The following FRMD4A variants were observed in gnomAD, a reference collection of about 807,000 sequenced individuals.
The protein encoded by FRMD4A is FERM domain-containing protein 4A.
A neutral mutation model predicts 129.1 loss-of-function variants in FRMD4A; 29 were observed. The ratio of observed to expected loss-of-function variants is 0.22; its 90% CI spans 0.17 to 0.31. The LOEUF (loss-of-function observed/expected upper bound fraction) is 0.31, where lower values mean the gene tolerates loss of function less well. FRMD4A is among the 10% of genes least tolerant of loss of function. FRMD4A has a pLI of 1.00. For missense variants in FRMD4A, 1,272 were observed against 1,375.8 expected (o/e 0.92, Z 1.19); for synonymous variants, 634 against 571.6 (o/e 1.11, Z -1.56).
Position 14,064,870 on chromosome 10 carries a change from G to A in FRMD4A, c.46-205958C>T, listed in dbSNP as rs547902033. Among the ~76,000 whole-genome samples the A allele has an allele frequency of 5.3e-5, 8 of 151,996 alleles. No homozygotes were observed. The East Asian group carries it at 5.8e-4, about 11-fold the overall frequency. On this transcript the variant is annotated intron_variant, in intron 2 of 24. Coordinates refer to ENST00000357447, the MANE Select transcript of FRMD4A (RefSeq NM_018027.5). ...TGGGAGTAAAGGTGTGAGCCACCGC[G>A]CCCAGCCCTCTCTGCTTATTTTTAA...
rs1011204235 is a variant in FRMD4A at position 13,812,376 on chromosome 10, G to T, written c.112-1468C>A. The stretch of plus-strand genomic sequence containing the variant: ...TCCTTATAAGAAGAGACACCAGAGA[G>T]CCTGCTTCCTCTCTCTGCCATGTGG... On this transcript the variant is annotated intron_variant, in intron 3 of 24. Coordinates refer to ENST00000357447, the MANE Select transcript of FRMD4A (RefSeq NM_018027.5). Among the ~76,000 whole-genome samples, 7 of 152,326 alleles carry T rather than the reference G, an allele frequency of 4.6e-5. No individual in the cohort carries two copies. In the East Asian group the frequency reaches 1.4e-3, roughly 29 times the overall value.
intron 15 of FRMD4A, chr10:13,693,540 G>C (rs1167387219): frequency 1.1e-5 from 13 of 1,195,814 alleles, no homozygotes; most frequent in Non-Finnish European, 1.4e-5. Flanking sequence ...ACACACAAGT[G>C]GGCACATGAG....
chr10:13,960,276 T>C (rs376983138), intron 2 of FRMD4A, among the ~76,000 whole-genome samples: 1 of 152,264 alleles, frequency 6.6e-6, no homozygotes, highest in Non-Finnish European at 1.5e-5. Context: ...ACCACAGTTA[T>C]GATAATAGTA....
intron 2 of FRMD4A, among the ~76,000 whole-genome samples, chr10:14,184,961 T>C (rs1349291888): frequency 1.3e-5 from 2 of 150,006 alleles, no homozygotes; most frequent in Non-Finnish European, 3.0e-5. Context: ...TGTCTGAATT[T>C]GTTTAGACAG....
intron 2 of FRMD4A, among the ~76,000 whole-genome samples, chr10:14,012,744 G>A (rs1434853008): frequency 6.6e-6 from 1 of 152,152 alleles, no homozygotes; most frequent in Non-Finnish European, 1.5e-5. Flanking sequence ...TGCAGCCCAG[G>A]GTGATCCTGA....
chr10:13,737,735 G>A, intron 12 of FRMD4A, 109 bp downstream of exon 12: 1 of 645,908 alleles, frequency 1.5e-6, no homozygotes, highest in Non-Finnish European at 2.8e-6. Context: ...ATTAGCAGGA[G>A]ATTGGTGAGC....
At chr10:13,681,822 G>C (rs1173752292) in intron 15 of FRMD4A, among the ~76,000 whole-genome samples, 2 of 152,148 alleles carry the variant, frequency 1.3e-5, no homozygotes, top group Non-Finnish European at 2.9e-5. Context: ...AATGAAAACA[G>C]GACTTCTTCA....
At chr10:13,649,365 C>G (rs1443104646) in intron 24 of FRMD4A, 2 of 126,990 alleles carry the variant, frequency 1.6e-5, no homozygotes, top group Non-Finnish European at 3.8e-5. Flanking sequence ...TTGGCTGGCC[C>G]ATGGTGTTCT....
At chr10:14,179,642 T>C (rs190168919) in intron 2 of FRMD4A, among the ~76,000 whole-genome samples, 25 of 152,360 alleles carry the variant, frequency 1.6e-4, no homozygotes, top group African/African-American at 5.8e-4. Context: ...TATTCATGTC[T>C]AGGTAAGAGA....
At chr10:13,846,147 T>C (rs573943699) in intron 3 of FRMD4A, among the ~76,000 whole-genome samples, 1 of 152,372 alleles carries the variant, frequency 6.6e-6, no homozygotes, top group South Asian at 2.1e-4. Flanking sequence ...AGCGTTCAAT[T>C]AGCTAATATG....
chr10:14,281,845 G>A (rs1166031680), intron 2 of FRMD4A, among the ~76,000 whole-genome samples: 1 of 152,188 alleles, frequency 6.6e-6, no homozygotes, highest in Admixed American at 6.5e-5. Context: ...AAACAGGGAT[G>A]TGTAGTAACA....
At chr10:14,039,962 T>A (rs2131673436) in intron 2 of FRMD4A, among the ~76,000 whole-genome samples, 1 of 152,366 alleles carries the variant, frequency 6.6e-6, no homozygotes, top group African/African-American at 2.4e-5. Flanking sequence ...TGTATGTATC[T>A]ATCCATTTAT....
chr10:14,031,947 T>A (rs1478383897), intron 2 of FRMD4A, among the ~76,000 whole-genome samples: 1 of 151,802 alleles, frequency 6.6e-6, no homozygotes, highest in African/African-American at 2.4e-5. Flanking sequence ...CCCTTTAGAG[T>A]CAGCGGCCTT....
chr10:13,990,990 A>C (rs1278738146), intron 2 of FRMD4A, among the ~76,000 whole-genome samples: 1 of 152,204 alleles, frequency 6.6e-6, no homozygotes, highest in African/African-American at 2.4e-5. Context: ...CACTGGGGCC[A>C]GGTTCCGAGG....
chr10:14,249,373 C>G (rs973302869), intron 2 of FRMD4A, among the ~76,000 whole-genome samples: 21 of 148,524 alleles, frequency 1.4e-4, no homozygotes, highest in African/African-American at 3.6e-4. Flanking sequence ...AAGAAAGAAA[C>G]AAATAGATAT....
intron 3 of FRMD4A, among the ~76,000 whole-genome samples, chr10:13,816,536 A>G (rs2093546412): frequency 6.6e-6 from 1 of 152,220 alleles, no homozygotes; most frequent in African/African-American, 2.4e-5. Flanking sequence ...GATTTAAAAC[A>G]ATTTGTGGCA....
chr10:13,906,464 A>G (rs975564527), intron 2 of FRMD4A, among the ~76,000 whole-genome samples: 4 of 152,174 alleles, frequency 2.6e-5, no homozygotes, highest in African/African-American at 9.7e-5. Context: ...TAGGCATGCT[A>G]TGAGGGTTGC....
intron 3 of FRMD4A, among the ~76,000 whole-genome samples, chr10:13,843,043 A>ATCACGCTGCC (rs899050410): frequency 4.6e-5 from 7 of 152,228 alleles, no homozygotes; most frequent in African/African-American, 1.7e-4. Flanking sequence ...GAACTGCTGC[A>ATCACGCTGCC]TCACGCTGCC....
intron 2 of FRMD4A, among the ~76,000 whole-genome samples, chr10:13,912,754 C>T (rs376610119): frequency 7.6e-4 from 115 of 151,884 alleles, no homozygotes; most frequent in African/African-American, 2.7e-3. Context: ...TGGTCTCGAT[C>T]TCCTGACTTT....
Sources: gnomAD v4.1 joint callset for allele counts (sites outside exome capture counted in the v4.1 genomes callset) on GRCh38, gnomAD v4.1.1 for gene constraint, MANE v1.5 for transcripts, NCBI Gene and HGNC (gene_info 2026-07-23, HGNC 2026-07-21) for gene names.